The following MRPS5 variants were observed in gnomAD, a reference collection of about 807,000 sequenced individuals.
MRPS5 encodes the protein small ribosomal subunit protein uS5m.
In MRPS5, 27 loss-of-function variants were observed where a neutral mutation model predicts 51.9. The ratio of observed to expected loss-of-function variants is 0.52; its 90% confidence interval spans 0.38 to 0.72. The LOEUF (loss-of-function observed/expected upper bound fraction) is 0.72. Ranked by LOEUF, MRPS5 falls within the 30% of genes least tolerant of loss-of-function variation. The pLI is 0.00. For missense variants in MRPS5, 570 were observed against 545.7 expected, an observed-to-expected ratio of 1.04 and a Z score of -0.44; for synonymous variants, 196 against 193.2, an observed-to-expected ratio of 1.01 and a Z score of -0.12.
chr2:95,095,626 AG>A (rs1181757275), intron 10 of MRPS5, among the ~76,000 whole-genome samples: 12 of 152,354 alleles, frequency 7.9e-5, no homozygotes, highest in Admixed American at 2.6e-4. Context: ...AACAAAATAA[AG>A]GCAGAAATAA....
chr2:95,091,774 G>A (rs1675474123), intron 10 of MRPS5: 1 of 152,214 alleles, frequency 6.6e-6, no homozygotes, highest in African/African-American at 2.4e-5. Context: ...GCCAGAGCAT[G>A]CAAGAACTTA....
chr2:95,086,461 G>C lies in MRPS5; in HGVS notation c.*896C>G, dbSNP rs1164373225. ...GAAAGAGTAAATAACCAGTTATTCT[G>C]AAGATAAAACAATAGAAATTACCTA... On this transcript the variant is annotated 3_prime_UTR_variant, in exon 12 of 12. Transcript: ENST00000272418. Among the ~76,000 whole-genome samples the C allele has an allele frequency of 2.0e-5, 3 of 152,102 alleles. No individual in the cohort carries two copies. The highest frequency in any genetic ancestry group is 4.4e-5 in the Non-Finnish European group (3 of 68,016).
chr2:95,096,434 C>T (rs1156363703), intron 10 of MRPS5, among the ~76,000 whole-genome samples: 6 of 152,124 alleles, frequency 3.9e-5, no homozygotes, highest in African/African-American at 1.4e-4. Flanking sequence ...ATGCAAAAAT[C>T]CTCAATAAAA....
At chr2:95,093,064 G>A (rs1375811680) in intron 10 of MRPS5, 1 of 152,278 alleles carries the variant, frequency 6.6e-6, no homozygotes, top group Non-Finnish European at 1.5e-5. Context: ...TCCCAGGCAT[G>A]GCTCAGCAGG....
intron 7 of MRPS5, chr2:95,103,631 CT>C (rs1019080018): frequency 4.6e-5 from 7 of 152,144 alleles, no homozygotes; most frequent in African/African-American, 1.7e-4. Flanking sequence ...CATAAACGAA[CT>C]GTACAGTTTT....
chr2:95,106,359 T>TGCCATCCC, intron 6 of MRPS5, 64 bp downstream of exon 6: 1 of 835,272 alleles, frequency 1.2e-6, no homozygotes, highest in Non-Finnish European at 2.1e-6. Context: ...TCTTGCCCTG[T>TGCCATCCC]CCCTGCCCCA....
rs1282685929 is a variant in MRPS5, at chr2:95,117,949, C to T, written c.59-4G>A. On this transcript the variant is annotated splice_polypyrimidine_tract_variant and splice_region_variant and intron_variant, in intron 1 of 11. Transcript: ENST00000272418. The stretch of plus-strand genomic sequence containing the variant: ...CACTGCCTCCCCAATAAATGACCTG[C>T]AAATTGGAAAAAAAAAAATTTAAGA... 1 of 1,579,918 alleles carries T rather than the reference C, an allele frequency of 6.3e-7. No homozygotes were observed. Among genetic ancestry groups the T allele is most frequent in the South Asian group, 1.2e-5 (1 of 84,788 alleles).
intron 3 of MRPS5, 47 bp downstream of exon 3, chr2:95,115,019 C>A: frequency 6.9e-7 from 1 of 1,450,462 alleles, no homozygotes; most frequent in Non-Finnish European, 9.1e-7. Flanking sequence ...TATAAGAAAT[C>A]CTTTTCCTGT....
intron 4 of MRPS5, among the ~76,000 whole-genome samples, chr2:95,109,010 T>G (rs948682767): frequency 2.0e-5 from 3 of 152,002 alleles, no homozygotes; most frequent in African/African-American, 7.2e-5. Flanking sequence ...ATAAATACCT[T>G]TTTAGGCATT....
rs1480300405 is a variant in MRPS5 at position 95,098,840 on chromosome 2, A to T, written c.931+1634T>A. The stretch of plus-strand genomic sequence containing the variant: ...TACCCTAGAACTTAAAGTATAATTT[A>T]AAAAGAAAGAAAGAAAACATGAATA... On this transcript the variant is annotated intron_variant, in intron 10 of 11. Coordinates refer to ENST00000272418, the MANE Select transcript of MRPS5 (RefSeq NM_031902.5). 3.3e-5 allele frequency among the ~76,000 whole-genome samples: 5 copies of T among 152,020 alleles called. No homozygotes were observed. The South Asian group carries it at 8.3e-4, about 25-fold the overall frequency.
chr2:95,117,930 C>T lies in MRPS5; in HGVS notation c.74G>A (p.Arg25Lys), dbSNP rs765947711. Residue 25 changes from arginine (R) to lysine (K), a missense_variant, in exon 2 of 12, where the codon AGG becomes AAG. Arg to Lys is a conservative substitution (Grantham distance 26). Transcript: ENST00000272418. ...TGGTAAGGTGTTTAGGGAACACTGC[C>T]TCCCCAATAAATGACCTGCAAATTG... The part of the protein sequence containing the change: ...CSGTAGHLLG[R>K]QCSLNTLPAA... The T allele has an allele frequency of 2.0e-5, 32 of 1,600,428 alleles. No individual in the cohort carries two copies. Among genetic ancestry groups the T allele is most frequent in the Non-Finnish European group, 2.6e-5 (31 of 1,176,916 alleles).
At chr2:95,102,228 A>G (rs1280700772) in intron 7 of MRPS5, among the ~76,000 whole-genome samples, 1 of 152,194 alleles carries the variant, frequency 6.6e-6, no homozygotes, top group East Asian at 1.9e-4. Context: ...TGGAAATAAC[A>G]AATTTAGATG....
intron 1 of MRPS5, among the ~76,000 whole-genome samples, chr2:95,119,660 G>A (rs554614572): frequency 6.6e-6 from 1 of 150,656 alleles, no homozygotes; most frequent in African/African-American, 2.4e-5. Flanking sequence ...TAGTAAAAAA[G>A]ACAGACATTA....
intron 7 of MRPS5, chr2:95,103,806 A>G (rs1260878103): frequency 1.3e-5 from 2 of 152,220 alleles, no homozygotes; most frequent in Non-Finnish European, 2.9e-5. Context: ...ATACTATGTC[A>G]GAAAATCAAG....
chr2:95,106,736 C>T, intron 5 of MRPS5: 1 of 491,308 alleles, frequency 2.0e-6, no homozygotes, highest in East Asian at 3.6e-5. Context: ...CCCTGCTCTC[C>T]CTTCTGCTTC....
chr2:95,114,044 C>T (rs1341807170), intron 3 of MRPS5, among the ~76,000 whole-genome samples: 3 of 130,268 alleles, frequency 2.3e-5, no homozygotes, highest in South Asian at 5.6e-4. Context: ...CGCTCAAGCC[C>T]GGGAGGTGGA....
chr2:95,116,413 CCTAT>C (rs1250163257), intron 2 of MRPS5, among the ~76,000 whole-genome samples: 3 of 151,998 alleles, frequency 2.0e-5, no homozygotes, highest in Admixed American at 6.6e-5. Flanking sequence ...AAATACTTCT[CCTAT>C]CTAATAATGT....
chr2:95,108,129 CA>C (rs770198895), intron 5 of MRPS5, 45 bp downstream of exon 5: 2 of 1,533,936 alleles, frequency 1.3e-6, no homozygotes, highest in South Asian at 2.2e-5. Context: ...TTCTAAACTA[CA>C]AGTACTCTCT....
chr2:95,088,600 T>C (rs943226593), intron 11 of MRPS5, among the ~76,000 whole-genome samples: 7 of 152,244 alleles, frequency 4.6e-5, no homozygotes, highest in African/African-American at 7.2e-5. Flanking sequence ...ATAATTTATA[T>C]TGGTGTATCT....
Sources: allele counts gnomAD v4.1 joint callset (sites outside exome capture counted in the v4.1 genomes callset), GRCh38; gene constraint gnomAD v4.1.1; transcripts MANE v1.5; gene names NCBI Gene and HGNC (gene_info 2026-07-23, HGNC 2026-07-21).